The following ZNF607 variants were observed in gnomAD, a reference collection of about 807,000 sequenced individuals.
ZNF607 encodes zinc finger protein 607.
Under a neutral mutation model 12.8 loss-of-function variants are expected in ZNF607, and 5 were observed. That is an observed-to-expected ratio of 0.39 (90% CI 0.20 to 0.82). ZNF607 has a LOEUF of 0.82. Ranked by LOEUF, ZNF607 falls within the 40% of genes least tolerant of loss-of-function variation. ZNF607 has a pLI of 0.39. For synonymous variants in ZNF607, 287 were observed against 276.2 expected (o/e 1.04, Z -0.39); for missense variants, 851 against 859.2 (o/e 0.99, Z 0.12).
chr19:37,698,336 T>G lies in ZNF607; in HGVS notation c.1795A>C (p.Ser599Arg). 6.2e-7 allele frequency: 1 copy of G among 1,614,180 alleles called. No homozygotes were observed. Among genetic ancestry groups the G allele is most frequent in the South Asian group, 1.1e-5 (1 of 91,078 alleles). Residue 599 changes from serine (S) to arginine (R), a missense_variant, in exon 5 of 5, where the codon AGT becomes CGT. Physicochemically the swap from Ser to Arg is moderately radical, Grantham distance 110. Transcript: ENST00000355202. ...YECKECGETF[S>R]HASHLIIHER... is the part of the protein sequence containing the mutation. ...TGAATAATAAGATGTGAAGCATGACTAAAAGTTTCCCCACATTCTTTACAT... is the reference window on the plus strand; with the variant it reads ...TGAATAATAAGATGTGAAGCATGACGAAAAGTTTCCCCACATTCTTTACAT...
intron 1 of ZNF607, among the ~76,000 whole-genome samples, chr19:37,717,959 T>C (rs184625764): frequency 2.0e-5 from 3 of 152,300 alleles, no homozygotes; most frequent in Admixed American, 1.3e-4. Flanking sequence ...TCTTATTATT[T>C]GTATAATATC....
At chr19:37,704,133 GA>G (rs149994939) in intron 4 of ZNF607, among the ~76,000 whole-genome samples, 133 of 134,310 alleles carry the variant, frequency 9.9e-4, no homozygotes, top group African/African-American at 1.1e-3. Context: ...GACTCCGTCT[GA>G]AAAAAAAAAC....
Position 37,705,573 on chromosome 19 carries a change from C to T in ZNF607, c.235+2341G>A, listed in dbSNP as rs533181898. On this transcript the variant is annotated intron_variant, in intron 4 of 4. Coordinates refer to ENST00000355202, the MANE Select transcript of ZNF607 (RefSeq NM_032689.5). ...CATGGTGGGCGCTTATAGTCTCAGC[C>T]GCTTAGGAGGCTGAGGCAGGAGAAT... 9.3e-5 allele frequency among the ~76,000 whole-genome samples: 14 copies of T among 150,802 alleles called. No individual in the cohort carries two copies. In the South Asian group the frequency reaches 1.3e-3, roughly 14 times the overall value.
Position 37,699,458 on chromosome 19 carries a change from A to T in ZNF607, c.673T>A (p.Tyr225Asn). The change falls in exon 5 of 5, where the codon TAC becomes AAC. Residue 225 changes from tyrosine to asparagine, a missense_variant. Coordinates refer to ENST00000355202, the MANE Select transcript of ZNF607 (RefSeq NM_032689.5). ...HHRFHYGEKPYECKECGKAFS... is the reference protein window; with the variant it reads ...HHRFHYGEKPNECKECGKAFS... ...GCCTTGCCACATTCCTTACATTCGT[A>T]GGGTTTCTCACCATAATGAAATCTA... The T allele has an allele frequency of 6.2e-7, 1 of 1,614,066 alleles. No individual in the cohort carries two copies. Among genetic ancestry groups the T allele is most frequent in the Non-Finnish European group, 8.5e-7 (1 of 1,179,954 alleles).
At chr19:37,714,047 G>A (rs911433590) in intron 1 of ZNF607, among the ~76,000 whole-genome samples, 5 of 152,106 alleles carry the variant, frequency 3.3e-5, no homozygotes, top group South Asian at 2.1e-4. Context: ...CCAGTCGGGC[G>A]CAGTGGCTCA....
At position 37,699,193 on chromosome 19, in the gene ZNF607, T is replaced by G. The variant is rs1458640654; in HGVS notation, c.938A>C (p.Glu313Ala). 1 of 1,614,192 alleles carries G rather than the reference T, an allele frequency of 6.2e-7. No individual in the cohort carries two copies. Among genetic ancestry groups the G allele is most frequent in the Non-Finnish European group, 8.5e-7 (1 of 1,180,028 alleles). Residue 313 changes from glutamate to alanine, a missense_variant, in exon 5 of 5, where the codon GAA becomes GCA. Physicochemically the swap from Glu to Ala is moderately radical, Grantham distance 107 (BLOSUM62 -1). Transcript: ENST00000355202. ...CCTACATGTAAAGCCCTTCCCGCAT[T>G]CCTTGCATTCATAGGGTTTTTCTCC... ...HTGEKPYECK[E>A]CGKGFTCRYQ...
At position 37,696,773 on chromosome 19, in the gene ZNF607, C is replaced by T; in HGVS notation, c.*1267G>A. ...GTGGCCAGTGAGTTGGCGATCAGCT[C>T]AGCTGCCTTGGAGTCACCCTCAGCA... is the stretch of plus-strand genomic sequence containing the variant. On this transcript the variant is annotated 3_prime_UTR_variant, in exon 5 of 5. Transcript: ENST00000355202. The T allele has an allele frequency of 1.5e-6, 2 of 1,338,956 alleles. No individual in the cohort carries two copies. The highest frequency in any genetic ancestry group is 2.1e-6 in the Non-Finnish European group (2 of 937,598). The allele number at this position is 1,338,956 out of a possible 1,614,324, so 82.9% of individuals were successfully genotyped here. A position where few individuals can be genotyped will look rare whatever the true frequency, so the allele number is the denominator to read the frequency against.
intron 1 of ZNF607, among the ~76,000 whole-genome samples, chr19:37,712,166 T>C (rs912471982): frequency 2.6e-5 from 4 of 152,294 alleles, no homozygotes; most frequent in Admixed American, 2.6e-4. Flanking sequence ...GCTTCCTAGT[T>C]AAATATATAA....
chr19:37,715,402 T>C (rs1417719794), intron 1 of ZNF607, among the ~76,000 whole-genome samples: 1 of 149,296 alleles, frequency 6.7e-6, no homozygotes, highest in African/African-American at 2.5e-5. Context: ...ATCATCTGAG[T>C]TCAAGACCAG....
At chr19:37,703,391 T>A (rs1420990227) in intron 4 of ZNF607, among the ~76,000 whole-genome samples, 19 of 152,280 alleles carry the variant, frequency 1.2e-4, no homozygotes, top group Middle Eastern at 3.4e-3. Flanking sequence ...ACATAAAATG[T>A]TTAGGGTCAA....
At position 37,699,451 on chromosome 19, in the gene ZNF607, C is replaced by T. The variant is rs539672039; in HGVS notation, c.680G>A (p.Cys227Tyr). The T allele has an allele frequency of 6.8e-6, 11 of 1,614,058 alleles. No homozygotes were observed. The highest frequency in any genetic ancestry group is 8.5e-6 in the Non-Finnish European group (10 of 1,179,952). ...RFHYGEKPYE[C>Y]KECGKAFSVY... The stretch of plus-strand genomic sequence containing the variant: ...ACTAAAGGCCTTGCCACATTCCTTA[C>T]ATTCGTAGGGTTTCTCACCATAATG... Residue 227 changes from cysteine to tyrosine, a missense_variant, in exon 5 of 5, where the codon TGT becomes TAT. By Grantham distance (194) the Cys-to-Tyr change is radical. Coordinates refer to ENST00000355202, the MANE Select transcript of ZNF607 (RefSeq NM_032689.5).
At chr19:37,714,361 G>GCAGCAA (rs199734819) in intron 1 of ZNF607, among the ~76,000 whole-genome samples, 1 of 150,478 alleles carries the variant, frequency 6.6e-6, no homozygotes, top group African/African-American at 2.5e-5. Context: ...AGCAGCAGCA[G>GCAGCAA]CAGCAACAAC....
chr19:37,698,537 G>A lies in ZNF607; in HGVS notation c.1594C>T (p.Pro532Ser), dbSNP rs2045001602. ...TTCCCGCATTTGTTGCATTCAAAGGGTTTCTTACCACTGTGAATACTCAGA... is the reference window on the plus strand; with the variant it reads ...TTCCCGCATTTGTTGCATTCAAAGGATTTCTTACCACTGTGAATACTCAGA... ...QHLSIHSGKK[P>S]FECNKCGKSF... Residue 532 changes from proline (P) to serine (S), a missense_variant, in exon 5 of 5, where the codon CCC becomes TCC. By Grantham distance (74) the Pro-to-Ser change is moderately conservative. Transcript: ENST00000355202. 1 of 1,611,864 alleles carries A rather than the reference G, an allele frequency of 6.2e-7. No individual in the cohort carries two copies. Among genetic ancestry groups the A allele is most frequent in the Non-Finnish European group, 8.5e-7 (1 of 1,178,244 alleles).
At position 37,696,973 on chromosome 19, in the gene ZNF607, C is replaced by G; in HGVS notation, c.*1067G>C. 2 of 701,938 alleles carry G rather than the reference C, an allele frequency of 2.8e-6. No homozygotes were observed. The highest frequency in any genetic ancestry group is 5.2e-6 in the Non-Finnish European group (2 of 384,490). The allele number at this position is 701,938 out of a possible 1,614,324, so 43.5% of individuals were successfully genotyped here. On this transcript the variant is annotated 3_prime_UTR_variant, in exon 5 of 5. Transcript: ENST00000355202. Reference sequence around the variant, plus strand: ...TTGCTCACCTGGCTGGAGACCAGCTCCCTCTGGGTGATTAGTTCTCCAGCA... The same window carrying G: ...TTGCTCACCTGGCTGGAGACCAGCTGCCTCTGGGTGATTAGTTCTCCAGCA...
Position 37,698,517 on chromosome 19 carries a change from G to A in ZNF607, c.1614C>T (p.Cys538=), listed in dbSNP as rs369809279. 24 of 1,611,502 alleles carry A rather than the reference G, an allele frequency of 1.5e-5. No homozygotes were observed. Among genetic ancestry groups the A allele is most frequent in the Non-Finnish European group, 1.9e-5 (22 of 1,178,130 alleles). ...SGKKPFECNK[C]GKSFRFISVL... Reference sequence around the variant, plus strand: ...CAGAAATGAACCTAAAAGACTTCCCGCATTTGTTGCATTCAAAGGGTTTCT... The same window carrying A: ...CAGAAATGAACCTAAAAGACTTCCCACATTTGTTGCATTCAAAGGGTTTCT... Residue 538 remains cysteine (C), a synonymous_variant, in exon 5 of 5, where the codon TGC becomes TGT. Transcript: ENST00000355202.
At chr19:37,717,485 C>G (rs2045186046) in intron 1 of ZNF607, among the ~76,000 whole-genome samples, 1 of 150,800 alleles carries the variant, frequency 6.6e-6, no homozygotes, top group Non-Finnish European at 1.5e-5. Flanking sequence ...GTGCCAGGCC[C>G]AAAATTCCAT....
chr19:37,715,755 A>G (rs1482678136), intron 1 of ZNF607, among the ~76,000 whole-genome samples: 2 of 152,208 alleles, frequency 1.3e-5, no homozygotes, highest in African/African-American at 2.4e-5. Flanking sequence ...AATATTAAGG[A>G]GAGTGAATCT....
intron 1 of ZNF607, among the ~76,000 whole-genome samples, chr19:37,714,936 G>A (rs935833321): frequency 2.6e-5 from 4 of 151,426 alleles, no homozygotes; most frequent in Non-Finnish European, 2.9e-5. Context: ...AAATGGAGTC[G>A]CGTTCTGTCG....
At chr19:37,717,019 A>G (rs978711605) in intron 1 of ZNF607, among the ~76,000 whole-genome samples, 1 of 152,134 alleles carries the variant, frequency 6.6e-6, no homozygotes, top group African/African-American at 2.4e-5. Flanking sequence ...CTGCACATCT[A>G]ATGGGAACAG....
Sources: gnomAD v4.1 joint callset for allele counts (sites outside exome capture counted in the v4.1 genomes callset) on GRCh38, gnomAD v4.1.1 for gene constraint, MANE v1.5 for transcripts, NCBI Gene and HGNC (gene_info 2026-07-23, HGNC 2026-07-21) for gene names.